ARAP1: variants seen among roughly 807,000 people sequenced by gnomAD.
ARAP1 encodes ArfGAP with RhoGAP domain, ankyrin repeat and PH domain 1.
In ARAP1, 76 loss-of-function variants were observed where a neutral mutation model predicts 172.2. That is an observed-to-expected ratio of 0.44 (90% CI 0.37 to 0.53). The LOEUF is 0.53. Ranked by LOEUF, ARAP1 falls within the 20% of genes least tolerant of loss-of-function variation. The probability of loss-of-function intolerance (pLI) is 0.00; values close to 1 mark genes in which losing one functional copy is unlikely to be tolerated. For synonymous variants in ARAP1, 804 were observed against 803.3 expected (o/e 1.00, Z -0.01); for missense variants, 1,686 against 1,977.5 (o/e 0.85, Z 2.80).
At position 72,699,119 on chromosome 11, in the gene ARAP1, C is replaced by T. The variant is rs1856350621; in HGVS notation, c.2439-12G>A. ...AGGTGTGCTCAAAGCTGCAAATACACAGGCCAGGACTCAGGCCCACCTCAT... is the reference window on the plus strand; with the variant it reads ...AGGTGTGCTCAAAGCTGCAAATACATAGGCCAGGACTCAGGCCCACCTCAT... On this transcript the variant is annotated splice_polypyrimidine_tract_variant and intron_variant, in intron 17 of 34. Coordinates refer to ENST00000393609, the MANE Select transcript of ARAP1 (RefSeq NM_001040118.3). The surrounding 1 kb of genome is among the most constrained non-coding windows in gnomAD (Gnocchi z 4.2). 1 of 1,613,818 alleles carries T rather than the reference C, an allele frequency of 6.2e-7. No homozygotes were observed. Among genetic ancestry groups the T allele is most frequent in the Admixed American group, 1.7e-5 (1 of 60,024 alleles).
At chr11:72,747,700 T>C (rs962300843) in intron 1 of ARAP1, among the ~76,000 whole-genome samples, 4 of 152,204 alleles carry the variant, frequency 2.6e-5, no homozygotes, top group Admixed American at 2.0e-4. Flanking sequence ...AGAACCACTG[T>C]ATGAACAAGA....
chr11:72,692,663 G>A lies in ARAP1; in HGVS notation c.3987+90C>T, dbSNP rs1855988579. On this transcript the variant is annotated intron_variant, in intron 30 of 34. Transcript: ENST00000393609. ...AGGGATCCATGCCTGGAGATGGCCA[G>A]GAGCCCTGGCTGTCTCCCCATGCTC... 5.8e-6 allele frequency: 9 copies of A among 1,551,696 alleles called. 1 individual carries two copies. In the South Asian group the frequency reaches 1.0e-4, roughly 17 times the overall value.
chr11:72,723,790 C>T (rs560546594), intron 3 of ARAP1, among the ~76,000 whole-genome samples: 1 of 152,230 alleles, frequency 6.6e-6, no homozygotes, highest in African/African-American at 2.4e-5. Context: ...GCATCCAGCA[C>T]TGTTCTAGAT....
In ARAP1 at chr11:72,695,407, C is replaced by T; in HGVS notation, c.3556G>A (p.Glu1186Lys). The T allele has an allele frequency of 6.2e-7, 1 of 1,614,218 alleles. No individual in the cohort carries two copies. Among genetic ancestry groups the T allele is most frequent in the Non-Finnish European group, 8.5e-7 (1 of 1,180,026 alleles). The stretch of plus-strand genomic sequence containing the variant: ...CCTACCTTGATATGCTGCTCAGTCT[C>T]TGCCTTCTTCTCTTCCAGATACACT... ...CTVYLEEKKA[E>K]TEQHIKVPAS... The change falls in exon 26 of 35, where the codon GAG (glutamate) becomes AAG (lysine). Residue 1186 changes from glutamate to lysine, a missense_variant. Around this residue, in one of 5 missense-constraint regions of ARAP1, gnomAD observed 379 missense variants for 500.1 expected, o/e 0.76. Coordinates refer to ENST00000393609, the MANE Select transcript of ARAP1 (RefSeq NM_001040118.3). The surrounding 1 kb of genome is among the most constrained non-coding windows in gnomAD (Gnocchi z 4.4).
Position 72,695,264 on chromosome 11 carries a change from C to T in ARAP1, c.3576+123G>A. 2.1e-6 allele frequency: 3 copies of T among 1,396,818 alleles called. No homozygotes were observed. Among genetic ancestry groups the T allele is most frequent in the Non-Finnish European group, 2.0e-6 (2 of 999,746 alleles). The allele number at this position is 1,396,818 out of a possible 1,614,324, so 86.5% of individuals were successfully genotyped here. ...CCTTAGGAGCAGACCCCAGCACCAG[C>T]CAGATACAGGTCCCAAACTGGTCCT... On this transcript the variant is annotated intron_variant, in intron 26 of 34. Transcript: ENST00000393609. This position sits in a 1 kb window ranked among gnomAD's most constrained non-coding sequence, Gnocchi z 4.4.
chr11:72,751,832 T>C (rs1213498633), intron 1 of ARAP1, among the ~76,000 whole-genome samples: 1 of 151,648 alleles, frequency 6.6e-6, no homozygotes, highest in Admixed American at 6.6e-5. Flanking sequence ...CCTGAGCACA[T>C]ACTTTCTTTC....
chr11:72,706,222 A>T (rs1440925411), intron 12 of ARAP1, among the ~76,000 whole-genome samples: 1 of 152,008 alleles, frequency 6.6e-6, no homozygotes, highest in Non-Finnish European at 1.5e-5. Flanking sequence ...CCCTGCTTTC[A>T]CCCTCCAGTG....
Position 72,697,168 on chromosome 11 carries a change from T to A in ARAP1, c.2981A>T (p.Lys994Met). Residue 994 changes from lysine to methionine, a missense_variant, in exon 22 of 35, where the codon AAG (lysine) becomes ATG (methionine). By Grantham distance (95) the Lys-to-Met change is moderately conservative (BLOSUM62 -1). Transcript: ENST00000393609. The part of the protein sequence containing the change: ...CGLTSEGIYR[K>M]CGQTSKTQRL... ...CTGTGTCTTCGATGTCTGCCCACAC[T>A]TGCGGTAGATGCCCTCGGAGGTCAG... 1 of 1,603,244 alleles carries A rather than the reference T, an allele frequency of 6.2e-7. No homozygotes were observed. Among genetic ancestry groups the A allele is most frequent in the South Asian group, 1.1e-5 (1 of 91,080 alleles).
intron 12 of ARAP1, among the ~76,000 whole-genome samples, chr11:72,706,272 T>A (rs1338308903): frequency 2.0e-5 from 3 of 152,126 alleles, no homozygotes; most frequent in Admixed American, 6.5e-5. Context: ...CTGCTTCCCC[T>A]CCTTCATCTT....
At chr11:72,740,096 C>T (rs1040582045) in intron 1 of ARAP1, among the ~76,000 whole-genome samples, 9 of 152,204 alleles carry the variant, frequency 5.9e-5, no homozygotes, top group African/African-American at 1.7e-4. Flanking sequence ...AGGAGCCCCA[C>T]ACCAAGGGAA....
At chr11:72,707,443 C>A in intron 11 of ARAP1, 69 bp from the exon 12 acceptor site, 1 of 1,439,780 alleles carries the variant, frequency 6.9e-7, no homozygotes, top group Non-Finnish European at 9.5e-7. Context: ...CATGAGGATG[C>A]ACAGAATGAA....
chr11:72,733,105 C>G (rs1175319451), intron 1 of ARAP1, among the ~76,000 whole-genome samples: 1 of 152,142 alleles, frequency 6.6e-6, no homozygotes, highest in East Asian at 1.9e-4. Flanking sequence ...AGAAGTCAGA[C>G]CAGAGGAAGG....
chr11:72,735,500 G>A (rs1428540406), intron 1 of ARAP1, among the ~76,000 whole-genome samples: 1 of 152,108 alleles, frequency 6.6e-6, no homozygotes, highest in Non-Finnish European at 1.5e-5. Flanking sequence ...GGAGGCTGAG[G>A]CAGGAGAATT....
rs1187671485 is a variant in ARAP1 at position 72,712,775 on chromosome 11, G to A, written c.748-207C>T. The A allele has an allele frequency of 1.5e-5, 11 of 741,384 alleles. No individual in the cohort carries two copies. In the Admixed American group the frequency reaches 2.7e-4, roughly 18 times the overall value. 45.9% of individuals were successfully genotyped at this position (741,384 alleles called of 1,614,324 possible). A position where few individuals can be genotyped will look rare whatever the true frequency, so the allele number is the denominator to read the frequency against. ...GACAGGAGAGCCAGTGGCAGAAACC[G>A]ACCTAGGACACAGACAAAAACAGAA... On this transcript the variant is annotated intron_variant, in intron 5 of 34. Coordinates refer to ENST00000393609, the MANE Select transcript of ARAP1 (RefSeq NM_001040118.3).
intron 3 of ARAP1, chr11:72,721,939 C>T (rs962773267): frequency 1.3e-5 from 13 of 986,400 alleles, no homozygotes; most frequent in Admixed American, 6.1e-5. Flanking sequence ...TGTACCTGCC[C>T]GTGCAAGCCT....
intron 15 of ARAP1, among the ~76,000 whole-genome samples, chr11:72,702,519 C>T (rs1265884033): frequency 6.6e-6 from 1 of 152,190 alleles, no homozygotes; most frequent in African/African-American, 2.4e-5. Flanking sequence ...GGGTGACCCA[C>T]CCATGGAGAA....
In ARAP1 at chr11:72,697,150, T is replaced by G; in HGVS notation, c.2999A>C (p.Lys1000Thr). ...GIYRKCGQTS[K>T]TQRLLESLRQ... The stretch of plus-strand genomic sequence containing the variant: ...CAGGCTCTCCAGCAGCCGCTGTGTC[T>G]TCGATGTCTGCCCACACTTGCGGTA... Residue 1000 changes from lysine to threonine, a missense_variant, in exon 22 of 35, where the codon AAG becomes ACG. This residue lies in a region of ARAP1 where 274 missense variants were observed against 262.7 expected (regional missense o/e 1.04). Transcript: ENST00000393609. The G allele has an allele frequency of 6.2e-7, 1 of 1,604,874 alleles. No homozygotes were observed. Among genetic ancestry groups the G allele is most frequent in the African/African-American group, 1.3e-5 (1 of 75,040 alleles).
chr11:72,744,907 T>C (rs1858307076), intron 1 of ARAP1, among the ~76,000 whole-genome samples: 1 of 152,194 alleles, frequency 6.6e-6, no homozygotes, highest in South Asian at 2.1e-4. Flanking sequence ...AGGCTTAGCA[T>C]GTCCATCTTT....
At chr11:72,687,267 A>T in intron 33 of ARAP1, 172 bp downstream of exon 33, 1 of 819,644 alleles carries the variant, frequency 1.2e-6, no homozygotes, top group Non-Finnish European at 2.0e-6. Context: ...GGGCTGGACT[A>T]ACAGTAGGTG....
Sources: allele counts gnomAD v4.1 joint callset (sites outside exome capture counted in the v4.1 genomes callset), GRCh38; gene constraint gnomAD v4.1.1; regional missense constraint gnomAD v4.1.1; non-coding constraint Gnocchi (gnomAD v3.1); transcripts MANE v1.5; gene names NCBI Gene and HGNC (gene_info 2026-07-23, HGNC 2026-07-21).